Variants in LRRC56 observed in about 807,000 individuals in gnomAD.
LRRC56 encodes the protein leucine rich repeat containing 56.
LRRC56 carries 41 observed loss-of-function variants against 47.8 expected under a neutral mutation model. The ratio of observed to expected loss-of-function variants is 0.86; its 90% CI spans 0.67 to 1.11. The LOEUF is 1.11. Ranked by LOEUF, LRRC56 falls within the 50% of genes most tolerant of loss-of-function variation. LRRC56 has a pLI of 0.00. For synonymous variants in LRRC56, 387 were observed against 311.2 expected, an observed-to-expected ratio of 1.24 and a Z score of -2.56; for missense variants, 759 against 704.2, an observed-to-expected ratio of 1.08 and a Z score of -0.88.
the LRRC56 span, among the ~76,000 whole-genome samples, chr11:531,773 C>T: frequency 1.3e-5 from 2 of 152,212 alleles, no homozygotes; most frequent in African/African-American, 2.4e-5. Context: ...GTCCACAGAC[C>T]GCTTCAGGCC....
the LRRC56 span, among the ~76,000 whole-genome samples, chr11:521,509 A>G: frequency 6.6e-6 from 1 of 152,114 alleles, no homozygotes; most frequent in Non-Finnish European, 1.5e-5. Flanking sequence ...GGATTTTGCC[A>G]TGTTTTCCAG....
intron 9 of LRRC56, 90 bp from the exon 10 acceptor site, chr11:551,561 A>G (rs1852391117): frequency 5.8e-6 from 8 of 1,367,806 alleles, no homozygotes; most frequent in East Asian, 2.3e-5. Flanking sequence ...GCCATGCAGC[A>G]TGGGGATTGG....
the LRRC56 span, among the ~76,000 whole-genome samples, chr11:510,376 C>A: frequency 6.6e-6 from 1 of 151,818 alleles, no homozygotes. Context: ...CCGAGGCAGG[C>A]GGATCATTTG....
chr11:550,422 G>A, intron 8 of LRRC56, 150 bp downstream of exon 8: 1 of 759,330 alleles, frequency 1.3e-6, no homozygotes, highest in East Asian at 2.7e-5. Context: ...TCTGTCACTG[G>A]AAGTCTGACG....
At chr11:550,505 A>G (rs1033506529) in intron 8 of LRRC56, among the ~76,000 whole-genome samples, 38 of 152,110 alleles carry the variant, frequency 2.5e-4, no homozygotes, top group African/African-American at 8.9e-4. Context: ...CATGTCCCTT[A>G]ACCCACATAT....
intron 6 of LRRC56, among the ~76,000 whole-genome samples, chr11:546,140 CAT>C (rs1852066312): frequency 2.0e-5 from 3 of 152,112 alleles, no homozygotes; most frequent in Admixed American, 6.6e-5. Flanking sequence ...CATGGTGGCA[CAT>C]GCCTGTAACC....
chr11:526,935 T>C, the LRRC56 span, among the ~76,000 whole-genome samples: 35 of 147,726 alleles, frequency 2.4e-4, no homozygotes, highest in Admixed American at 1.6e-3. Flanking sequence ...AGACACCGTC[T>C]AAAAAAAGAA....
At chr11:530,258 C>T in the LRRC56 span, among the ~76,000 whole-genome samples, 4 of 152,242 alleles carry the variant, frequency 2.6e-5, no homozygotes, top group African/African-American at 9.6e-5. Flanking sequence ...TCCAGAGATA[C>T]CTCCTGCACA....
At chr11:542,611 C>T (rs965260977) in intron 5 of LRRC56, among the ~76,000 whole-genome samples, 4 of 125,994 alleles carry the variant, frequency 3.2e-5, no homozygotes, top group African/African-American at 1.4e-4. Flanking sequence ...AAAACACTCC[C>T]TCCCCGCCCT....
At chr11:543,772 G>A (rs1189952029) in intron 5 of LRRC56, among the ~76,000 whole-genome samples, 2 of 151,182 alleles carry the variant, frequency 1.3e-5, no homozygotes, top group East Asian at 1.9e-4. Flanking sequence ...TTTTTGAGAC[G>A]GAGTCTCGCT....
At chr11:508,616 A>G in the LRRC56 span, among the ~76,000 whole-genome samples, 1 of 151,708 alleles carries the variant, frequency 6.6e-6, no homozygotes, top group Non-Finnish European at 1.5e-5. Context: ...AAAATACAAA[A>G]ATTAGCCAGG....
upstream of LRRC56, among the ~76,000 whole-genome samples, chr11:533,099 G>A (rs1264151932): frequency 1.3e-5 from 2 of 152,354 alleles, no homozygotes; most frequent in East Asian, 3.9e-4. Flanking sequence ...AGGTGCCCGT[G>A]GGACACTCTG....
At chr11:531,366 G>T in the LRRC56 span, among the ~76,000 whole-genome samples, 1 of 152,168 alleles carries the variant, frequency 6.6e-6, no homozygotes. Flanking sequence ...GGCCCTGGGA[G>T]GGGAGGGGCA....
upstream of LRRC56, chr11:534,550 T>C (rs2133996711): frequency 1.9e-5 from 11 of 592,284 alleles, no homozygotes; most frequent in Non-Finnish European, 3.3e-5. Flanking sequence ...GCGGGAGGGC[T>C]GTCGCCTCGC....
At chr11:512,909 G>T in the LRRC56 span, among the ~76,000 whole-genome samples, 69 of 152,180 alleles carry the variant, frequency 4.5e-4, no homozygotes, top group Admixed American at 4.4e-3. Context: ...AAACAGGCCA[G>T]GCATGGTGGG....
At chr11:550,363 T>A in intron 8 of LRRC56, 91 bp downstream of exon 8, 1 of 1,246,638 alleles carries the variant, frequency 8.0e-7, no homozygotes, top group Non-Finnish European at 1.1e-6. Flanking sequence ...GGCCAGGTAC[T>A]TCTGTGCCCA....
chr11:508,117 C>T, the LRRC56 span, among the ~76,000 whole-genome samples: 1 of 152,240 alleles, frequency 6.6e-6, no homozygotes, highest in Admixed American at 6.5e-5. Flanking sequence ...CTAACGGTAT[C>T]TCAGATTTGT....
the LRRC56 span, among the ~76,000 whole-genome samples, chr11:520,327 A>T: frequency 1.4e-5 from 2 of 142,692 alleles, no homozygotes; most frequent in Non-Finnish European, 3.1e-5. Flanking sequence ...TTTATTACTG[A>T]TTTTTTTTTT....
At position 550,108 on chromosome 11, in the gene LRRC56, AG is replaced by A; in HGVS notation, c.461del (p.Ser154ThrfsTer66). The A allele has an allele frequency of 6.2e-7, 1 of 1,613,364 alleles. No individual in the cohort carries two copies. The highest frequency in any genetic ancestry group is 8.5e-7 in the Non-Finnish European group (1 of 1,179,778). On this transcript the variant is annotated frameshift_variant, in exon 8 of 14. Transcript: ENST00000270115. LOFTEE classifies it high-confidence loss of function. ...CTCCTACAACAACATCTCGGACCTG[AG>A]CCCACTGTGCCTGCTGGAACAATTG... ...YASYNNISDLSPLCLLEQLEV... is the reference protein window; with the variant it reads ...YASYNNISDLXPLCLLEQLEV...
Sources: allele counts gnomAD v4.1 joint callset (sites outside exome capture counted in the v4.1 genomes callset), GRCh38; gene constraint gnomAD v4.1.1; transcripts MANE v1.5; gene names NCBI Gene and HGNC (gene_info 2026-07-23, HGNC 2026-07-21).